LRRC4C: variants seen among roughly 807,000 people sequenced by gnomAD.
The protein encoded by LRRC4C is leucine-rich repeat-containing protein 4C.
In LRRC4C, 5 loss-of-function variants were observed where a neutral mutation model predicts 33.6. The ratio of observed to expected loss-of-function variants is 0.15; its 90% CI spans 0.08 to 0.31. The LOEUF (loss-of-function observed/expected upper bound fraction) is 0.31, where lower values mean the gene tolerates loss of function less well. Among genes scored for constraint, LRRC4C ranks in the 10% least tolerant of loss-of-function variants. The pLI, the probability that LRRC4C is intolerant of heterozygous loss-of-function variation, is 1.00. For synonymous variants in LRRC4C, 329 were observed against 302.0 expected (o/e 1.09, Z -0.93); for missense variants, 560 against 796.7 (o/e 0.70, Z 3.58).
In LRRC4C at chr11:41,380,332, G is replaced by T. The variant is rs933270743; in HGVS notation, c.-496+79099C>A. On this transcript the variant is annotated intron_variant, in intron 1 of 6. Coordinates refer to ENST00000528697, the MANE Select transcript of LRRC4C (RefSeq NM_001258419.2). ...GCCAGAGTGCACATTTTTAATGTTT[G>T]TTTATTGATTAATTACATGGAAAAT... 2.0e-5 allele frequency among the ~76,000 whole-genome samples: 3 copies of T among 152,010 alleles called. No homozygotes were observed. In the East Asian group the frequency reaches 5.8e-4, roughly 29 times the overall value.
intron 1 of LRRC4C, among the ~76,000 whole-genome samples, chr11:41,287,520 A>G (rs1180337636): frequency 2.6e-5 from 4 of 152,108 alleles, no homozygotes; most frequent in African/African-American, 9.6e-5. Flanking sequence ...TATAAAATCT[A>G]TAGGGATCTT....
At chr11:40,587,013 A>T (rs910943295) in intron 3 of LRRC4C, among the ~76,000 whole-genome samples, 1 of 151,914 alleles carries the variant, frequency 6.6e-6, no homozygotes. Context: ...TCTGTGAAGA[A>T]ATTCATTGGT....
chr11:40,875,691 T>A (rs1954850189), intron 2 of LRRC4C, among the ~76,000 whole-genome samples: 1 of 152,120 alleles, frequency 6.6e-6, no homozygotes, highest in Non-Finnish European at 1.5e-5. Flanking sequence ...ATCCCTTAAC[T>A]CAGCAGTCCC....
At chr11:40,221,122 T>A (rs1864384053) in intron 5 of LRRC4C, among the ~76,000 whole-genome samples, 1 of 152,076 alleles carries the variant, frequency 6.6e-6, no homozygotes, top group Admixed American at 6.6e-5. Context: ...GTGACCTGCA[T>A]ACCTTGGCCT....
chr11:40,698,931 C>T (rs1945718779), intron 2 of LRRC4C, among the ~76,000 whole-genome samples: 1 of 152,096 alleles, frequency 6.6e-6, no homozygotes, highest in South Asian at 2.1e-4. Context: ...CTGGACCCTC[C>T]CAGAACACAT....
chr11:40,474,701 A>T (rs926416869), intron 3 of LRRC4C, among the ~76,000 whole-genome samples: 10 of 152,322 alleles, frequency 6.6e-5, no homozygotes, highest in Admixed American at 6.5e-4. Context: ...AAGGGCTAAT[A>T]TCCAGAATCT....
chr11:41,082,428 T>C (rs938321315), intron 1 of LRRC4C, among the ~76,000 whole-genome samples: 1 of 17,672 alleles, frequency 5.7e-5, no homozygotes, highest in Admixed American at 6.5e-4. Context: ...AATCTCACGC[T>C]TTTTTTTTTT....
intron 2 of LRRC4C, among the ~76,000 whole-genome samples, chr11:40,700,745 T>C (rs908535213): frequency 2.7e-4 from 41 of 152,158 alleles, no homozygotes; most frequent in African/African-American, 9.9e-4. Flanking sequence ...CTAAAACAAA[T>C]ATCTCTGTAT....
chr11:41,076,917 G>A (rs1477760995), intron 1 of LRRC4C, among the ~76,000 whole-genome samples: 2 of 152,132 alleles, frequency 1.3e-5, no homozygotes, highest in Non-Finnish European at 2.9e-5. Context: ...GGGTAAATGC[G>A]CTTGTTACAA....
chr11:40,877,370 T>C (rs950687364), intron 2 of LRRC4C, among the ~76,000 whole-genome samples: 1 of 152,170 alleles, frequency 6.6e-6, no homozygotes, highest in African/African-American at 2.4e-5. Flanking sequence ...GCACATAATA[T>C]ATTTTCATTT....
At chr11:40,253,576 T>G (rs2136197772) in intron 4 of LRRC4C, among the ~76,000 whole-genome samples, 1 of 152,326 alleles carries the variant, frequency 6.6e-6, no homozygotes, top group Non-Finnish European at 1.5e-5. Context: ...AATGACTTCC[T>G]GTGCTGCACT....
At chr11:40,636,784 G>A (rs1321223003) in intron 3 of LRRC4C, among the ~76,000 whole-genome samples, 1 of 152,122 alleles carries the variant, frequency 6.6e-6, no homozygotes, top group Non-Finnish European at 1.5e-5. Flanking sequence ...TCATGAAAAT[G>A]TCCACAGTCA....
At chr11:40,778,073 A>T (rs1480969933) in intron 2 of LRRC4C, among the ~76,000 whole-genome samples, 1 of 152,078 alleles carries the variant, frequency 6.6e-6, no homozygotes, top group Admixed American at 6.5e-5. Context: ...GTTAATATTT[A>T]TCTGTGAGTT....
intron 3 of LRRC4C, among the ~76,000 whole-genome samples, chr11:40,505,666 C>T (rs1327909866): frequency 6.6e-6 from 1 of 152,132 alleles, no homozygotes; most frequent in African/African-American, 2.4e-5. Flanking sequence ...GGCATTGGCC[C>T]ATGAATGCAA....
chr11:40,144,221 C>T (rs1323580111), intron 5 of LRRC4C, among the ~76,000 whole-genome samples: 3 of 152,108 alleles, frequency 2.0e-5, no homozygotes, highest in African/African-American at 7.2e-5. Flanking sequence ...CATACATTCT[C>T]TAATAATGGA....
At chr11:41,138,491 A>T (rs1277350985) in intron 1 of LRRC4C, among the ~76,000 whole-genome samples, 1 of 152,204 alleles carries the variant, frequency 6.6e-6, no homozygotes, top group Non-Finnish European at 1.5e-5. Flanking sequence ...GTGAACTCAT[A>T]TCATAAAAGA....
chr11:41,438,062 T>TC, intron 1 of LRRC4C, among the ~76,000 whole-genome samples: 2 of 147,802 alleles, frequency 1.4e-5, no homozygotes, highest in African/African-American at 5.0e-5. Context: ...AATAAATAAA[T>TC]AAATAAATAA....
intron 6 of LRRC4C, among the ~76,000 whole-genome samples, chr11:40,119,387 A>G (rs1221693363): frequency 6.6e-6 from 1 of 152,144 alleles, no homozygotes; most frequent in Admixed American, 6.5e-5. Context: ...TTCTAAGGCC[A>G]ACTAACTTGA....
intron 2 of LRRC4C, among the ~76,000 whole-genome samples, chr11:40,924,713 C>A (rs1434815832): frequency 6.6e-6 from 1 of 152,002 alleles, no homozygotes; most frequent in African/African-American, 2.4e-5. Flanking sequence ...CTGACTTGAT[C>A]GTTAACACAT....
Sources: allele counts gnomAD v4.1 joint callset (sites outside exome capture counted in the v4.1 genomes callset), GRCh38; gene constraint gnomAD v4.1.1; transcripts MANE v1.5; gene names NCBI Gene and HGNC (gene_info 2026-07-23, HGNC 2026-07-21).